The following TTC23 variants were observed in gnomAD, a reference collection of about 807,000 sequenced individuals.
The protein encoded by TTC23 is tetratricopeptide repeat domain 23.
In TTC23, 58 loss-of-function variants were observed where a neutral mutation model predicts 55.1. That is an observed-to-expected ratio of 1.05 (90% CI 0.85 to 1.31). TTC23 has a LOEUF of 1.31. Ranked by LOEUF, TTC23 falls within the 50% of genes most tolerant of loss-of-function variation. TTC23 has a pLI of 0.00. For synonymous variants in TTC23, 203 were observed against 199.9 expected, an observed-to-expected ratio of 1.02 and a Z score of -0.13; for missense variants, 516 against 534.4, an observed-to-expected ratio of 0.97 and a Z score of 0.34.
chr15:99,212,984 CAAAA>C (rs1219150354), intron 8 of TTC23, among the ~76,000 whole-genome samples: 1 of 71,808 alleles, frequency 1.4e-5, no homozygotes, highest in Non-Finnish European at 2.6e-5. Flanking sequence ...GACCCTATCT[CAAAA>C]AAAAAAAAAA....
intron 3 of TTC23, among the ~76,000 whole-genome samples, chr15:99,237,397 A>G (rs1057112599): frequency 2.6e-5 from 4 of 152,330 alleles, no homozygotes; most frequent in Admixed American, 1.3e-4. Flanking sequence ...AAAACCCCAA[A>G]TGTCTATAAA....
chr15:99,195,314 C>T (rs1812202088), intron 9 of TTC23, among the ~76,000 whole-genome samples: 1 of 152,060 alleles, frequency 6.6e-6, no homozygotes, highest in Admixed American at 6.6e-5. Flanking sequence ...GATGACAAGC[C>T]CATGGAAAGA....
At chr15:99,189,730 G>A (rs2075063378) in intron 9 of TTC23, among the ~76,000 whole-genome samples, 1 of 152,190 alleles carries the variant, frequency 6.6e-6, no homozygotes, top group Non-Finnish European at 1.5e-5. Context: ...GAGACAGACT[G>A]AGTGAGAAAC....
intron 1 of TTC23, 130 bp from the exon 2 acceptor site, chr15:99,245,640 C>G (rs2080177717): frequency 6.6e-6 from 1 of 151,260 alleles, no homozygotes; most frequent in Non-Finnish European, 1.5e-5. Flanking sequence ...GGGAAGAGAA[C>G]AGTCTTTTCA....
chr15:99,190,006 G>A (rs551431137), intron 9 of TTC23, among the ~76,000 whole-genome samples: 4 of 152,020 alleles, frequency 2.6e-5, no homozygotes, highest in East Asian at 1.9e-4. Context: ...GCAAAACCCC[G>A]TCTCTACAAA....
chr15:99,156,311 A>G lies in TTC23; in HGVS notation c.994-14T>C, dbSNP rs1265479296. 2 of 1,612,620 alleles carry G rather than the reference A, an allele frequency of 1.2e-6. No individual in the cohort carries two copies. Among genetic ancestry groups the G allele is most frequent in the Admixed American group, 1.7e-5 (1 of 59,780 alleles). On this transcript the variant is annotated splice_polypyrimidine_tract_variant and intron_variant, in intron 11 of 13. Coordinates refer to ENST00000394132, the MANE Select transcript of TTC23 (RefSeq NM_001288615.3). ...CGAGGTTGCTCTCTGTGAAAGGAAC[A>G]AAAAGCTATCTGGTTAACAAGCTCA...
intron 9 of TTC23, among the ~76,000 whole-genome samples, chr15:99,179,802 T>C (rs1291473804): frequency 6.6e-6 from 1 of 151,914 alleles, no homozygotes; most frequent in Admixed American, 6.6e-5. Flanking sequence ...AGAACCTCCA[T>C]GGAACATGAG....
At chr15:99,188,930 A>C (rs994825593) in intron 9 of TTC23, among the ~76,000 whole-genome samples, 1 of 152,154 alleles carries the variant, frequency 6.6e-6, no homozygotes, top group Non-Finnish European at 1.5e-5. Context: ...CCAATAAGAC[A>C]AACTTACCAA....
chr15:99,217,916 A>T (rs1354927916), intron 8 of TTC23, among the ~76,000 whole-genome samples: 2 of 152,212 alleles, frequency 1.3e-5, no homozygotes. Flanking sequence ...GGCTTTGGCT[A>T]AGGGCAGCCA....
intron 12 of TTC23, among the ~76,000 whole-genome samples, chr15:99,147,148 G>C (rs1352452339): frequency 6.7e-6 from 1 of 150,050 alleles, no homozygotes; most frequent in Non-Finnish European, 1.5e-5. Context: ...CTCTTGACAG[G>C]TGGTCCACCC....
Position 99,249,203 on chromosome 15 carries a change from T to C in TTC23, c.-463A>G, listed in dbSNP as rs2080518926. On this transcript the variant is annotated 5_prime_UTR_variant, in exon 1 of 14. Coordinates refer to ENST00000394132, the MANE Select transcript of TTC23 (RefSeq NM_001288615.3). Reference sequence around the variant, plus strand: ...AAATCCACTGATAATCTGGGCATGATGCTTTCAAACTTCACCCTAAAGAGA... The same window carrying C: ...AAATCCACTGATAATCTGGGCATGACGCTTTCAAACTTCACCCTAAAGAGA... The C allele has an allele frequency of 6.6e-6, 1 of 152,204 alleles. No individual in the cohort carries two copies. The highest frequency in any genetic ancestry group is 6.5e-5 in the Admixed American group (1 of 15,286). 9.4% of individuals were successfully genotyped at this position (152,204 alleles called of 1,614,324 possible). A position where few individuals can be genotyped will look rare whatever the true frequency, so the allele number is the denominator to read the frequency against.
chr15:99,139,613 A>G lies in TTC23; in HGVS notation c.1144-214T>C, dbSNP rs1310242392. 3.3e-6 allele frequency: 5 copies of G among 1,523,542 alleles called. No individual in the cohort carries two copies. In the Admixed American group the frequency reaches 8.3e-5, roughly 25 times the overall value. The allele number at this position is 1,523,542 out of a possible 1,614,324, so 94.4% of individuals were successfully genotyped here. A position where few individuals can be genotyped will look rare whatever the true frequency, so the allele number is the denominator to read the frequency against. ...TGAACAGTTTTAGCACTATTTCACA[A>G]AACTCTCTGTGACTATCTGTATGCA... On this transcript the variant is annotated intron_variant, in intron 12 of 13. Transcript: ENST00000394132.
intron 12 of TTC23, among the ~76,000 whole-genome samples, chr15:99,152,823 G>A (rs2070000238): frequency 6.7e-6 from 1 of 150,200 alleles, no homozygotes; most frequent in Non-Finnish European, 1.5e-5. Context: ...TTTTTTACAG[G>A]GTCTCACTTT....
intron 4 of TTC23, among the ~76,000 whole-genome samples, chr15:99,230,981 T>C (rs2078888057): frequency 6.6e-6 from 1 of 152,198 alleles, no homozygotes; most frequent in Admixed American, 6.5e-5. Flanking sequence ...CTCCACAGCA[T>C]TTCAGTCAAT....
intron 12 of TTC23, chr15:99,140,293 A>G (rs2068075635): frequency 1.3e-5 from 2 of 152,422 alleles, no homozygotes; most frequent in Admixed American, 1.3e-4. Flanking sequence ...AAACACAAAT[A>G]TTAAGCTCAA....
At chr15:99,196,868 C>G (rs1485363693) in intron 9 of TTC23, among the ~76,000 whole-genome samples, 5 of 152,202 alleles carry the variant, frequency 3.3e-5, no homozygotes, top group African/African-American at 1.2e-4. Flanking sequence ...ACTTTCAACA[C>G]CTACCTAAAA....
chr15:99,147,256 C>T lies in TTC23; in HGVS notation c.1144-7857G>A, dbSNP rs1381925633. On this transcript the variant is annotated intron_variant, in intron 12 of 13. Transcript: ENST00000394132. ...TTTTTTTTTTTTTGAGACAGAGTCTCGCTCTGTCACCCAGGCTGGAGTGCA... is the reference window on the plus strand; with the variant it reads ...TTTTTTTTTTTTTGAGACAGAGTCTTGCTCTGTCACCCAGGCTGGAGTGCA... 6.7e-4 allele frequency among the ~76,000 whole-genome samples: 92 copies of T among 137,758 alleles called. 2 individuals are homozygous for T. The highest frequency in any genetic ancestry group is 1.4e-3 in the South Asian group (6 of 4,276). The allele number at this position is 137,758 out of a possible 152,430, so 90.4% of individuals were successfully genotyped here.
At chr15:99,212,534 GGAA>G (rs1307391844) in intron 8 of TTC23, among the ~76,000 whole-genome samples, 1 of 152,160 alleles carries the variant, frequency 6.6e-6, no homozygotes, top group Non-Finnish European at 1.5e-5. Flanking sequence ...ACAGAGGAGA[GGAA>G]GAAGGAGAGA....
intron 8 of TTC23, among the ~76,000 whole-genome samples, chr15:99,215,618 C>T (rs978691968): frequency 6.6e-6 from 1 of 151,982 alleles, no homozygotes; most frequent in Non-Finnish European, 1.5e-5. Context: ...TGGTGGCACA[C>T]ACCTGTAGTC....
Sources: gnomAD v4.1 joint callset for allele counts (sites outside exome capture counted in the v4.1 genomes callset) on GRCh38, gnomAD v4.1.1 for gene constraint, MANE v1.5 for transcripts, NCBI Gene and HGNC (gene_info 2026-07-23, HGNC 2026-07-21) for gene names.